Variants in RBFOX1 observed in about 807,000 individuals in gnomAD.
RBFOX1 encodes the protein RNA binding protein fox-1 homolog 1.
In RBFOX1, 8 loss-of-function variants were observed where a neutral mutation model predicts 57.7. The ratio of observed to expected loss-of-function variants is 0.14; its 90% CI spans 0.08 to 0.25. The LOEUF (loss-of-function observed/expected upper bound fraction) is 0.25, where lower values mean the gene tolerates loss of function less well. Among genes scored for constraint, RBFOX1 ranks in the 10% least tolerant of loss-of-function variants. The pLI is 1.00. For synonymous variants in RBFOX1, 326 were observed against 222.4 expected, an observed-to-expected ratio of 1.47 and a Z score of -4.15; for missense variants, 611 against 548.5, an observed-to-expected ratio of 1.11 and a Z score of -1.14.
intron 5 of RBFOX1, among the ~76,000 whole-genome samples, chr16:7,570,589 T>A (rs1328180471): frequency 1.3e-5 from 2 of 152,206 alleles, no homozygotes; most frequent in African/African-American, 4.8e-5. Flanking sequence ...GGACTAGTGA[T>A]GAAACTAGAG....
chr16:5,446,685 C>T (rs2068249378), intron 1 of RBFOX1, among the ~76,000 whole-genome samples: 1 of 151,930 alleles, frequency 6.6e-6, no homozygotes, highest in African/African-American at 2.4e-5. Context: ...TCCAGAAGAC[C>T]CTGTAGGAAG....
At chr16:6,187,486 T>A (rs887288394) in intron 1 of RBFOX1, among the ~76,000 whole-genome samples, 4 of 152,134 alleles carry the variant, frequency 2.6e-5, no homozygotes, top group Admixed American at 6.6e-5. Flanking sequence ...GCTTTTCTAA[T>A]GATGGGGAAT....
chr16:7,237,008 A>G (rs1015862312), intron 4 of RBFOX1, among the ~76,000 whole-genome samples: 1 of 152,230 alleles, frequency 6.6e-6, no homozygotes, highest in Admixed American at 6.5e-5. Flanking sequence ...CCGTTCTTTC[A>G]CTAGAAGGGA....
intron 4 of RBFOX1, among the ~76,000 whole-genome samples, chr16:7,152,429 C>A (rs943958254): frequency 1.1e-4 from 17 of 152,198 alleles, no homozygotes; most frequent in Admixed American, 2.0e-4. Flanking sequence ...AAGAAATTGC[C>A]ATCAATTGTT....
chr16:7,169,823 A>G (rs1366592500), intron 4 of RBFOX1, among the ~76,000 whole-genome samples: 1 of 19,232 alleles, frequency 5.2e-5, no homozygotes, highest in Non-Finnish European at 8.2e-5. Context: ...TAATCCCTGC[A>G]CTTTGGCAGG....
At chr16:7,327,735 A>G (rs766794730) in intron 4 of RBFOX1, among the ~76,000 whole-genome samples, 2 of 152,176 alleles carry the variant, frequency 1.3e-5, no homozygotes, top group Admixed American at 1.3e-4. Flanking sequence ...GTGGCTCAAC[A>G]TGCCTAGATC....
At chr16:7,183,569 C>G (rs551750851) in intron 4 of RBFOX1, among the ~76,000 whole-genome samples, 2 of 152,062 alleles carry the variant, frequency 1.3e-5, no homozygotes, top group South Asian at 4.1e-4. Context: ...CTTAAGTGTG[C>G]TTGCACATGT....
chr16:6,128,581 T>C (rs1021060775), intron 1 of RBFOX1, among the ~76,000 whole-genome samples: 19 of 152,134 alleles, frequency 1.2e-4, no homozygotes, highest in African/African-American at 4.6e-4. Flanking sequence ...GAGCTGAAGA[T>C]TTGAAGAGTA....
intron 4 of RBFOX1, among the ~76,000 whole-genome samples, chr16:5,989,850 A>ACT (rs1555463986): frequency 3.0e-5 from 3 of 100,262 alleles, no homozygotes; most frequent in African/African-American, 1.1e-4. Flanking sequence ...CCTAACACAC[A>ACT]CACACACACA....
intron 14 of RBFOX1, among the ~76,000 whole-genome samples, chr16:7,679,333 A>AT (rs941325271): frequency 1.3e-5 from 2 of 152,240 alleles, no homozygotes; most frequent in African/African-American, 4.8e-5. Flanking sequence ...GTAACCAATT[A>AT]TTTTTATATC....
chr16:6,803,993 G>A (rs1423466665), intron 3 of RBFOX1, among the ~76,000 whole-genome samples: 1 of 151,760 alleles, frequency 6.6e-6, no homozygotes, highest in Non-Finnish European at 1.5e-5. Flanking sequence ...AAACTGTATA[G>A]TACATAAAAC....
chr16:6,712,666 G>A (rs1043550695), intron 3 of RBFOX1, among the ~76,000 whole-genome samples: 1 of 152,008 alleles, frequency 6.6e-6, no homozygotes, highest in African/African-American at 2.4e-5. Flanking sequence ...ACTCTGATAG[G>A]CATGGCAGCC....
At chr16:6,305,789 G>C (rs1284744983) in intron 1 of RBFOX1, among the ~76,000 whole-genome samples, 1 of 151,976 alleles carries the variant, frequency 6.6e-6, no homozygotes, top group East Asian at 1.9e-4. Context: ...ACTAGCAAAT[G>C]CTGGAGCTGC....
At chr16:7,063,616 G>A (rs564110097) in intron 4 of RBFOX1, among the ~76,000 whole-genome samples, 7 of 152,244 alleles carry the variant, frequency 4.6e-5, no homozygotes, top group South Asian at 2.1e-4. Flanking sequence ...TGATGTCTCA[G>A]CCTTATCCTA....
chr16:5,454,840 CCTTTCTTTCTTTCTTTTCTTT>C (rs1371214037), intron 1 of RBFOX1, among the ~76,000 whole-genome samples: 15 of 104,904 alleles, frequency 1.4e-4, no homozygotes, highest in African/African-American at 4.9e-4. Flanking sequence ...TGCTTTCTTT[CCTTTCTTTCTTTCTTTTCTTT>C]CTTTCTTTCT....
chr16:6,346,307 A>G (rs1372995723), intron 2 of RBFOX1, among the ~76,000 whole-genome samples: 1 of 152,226 alleles, frequency 6.6e-6, no homozygotes. Context: ...AAATTTAACT[A>G]TATTTGGCCT....
chr16:7,458,827 G>C (rs1297910207), intron 4 of RBFOX1, among the ~76,000 whole-genome samples: 1 of 151,950 alleles, frequency 6.6e-6, no homozygotes, highest in East Asian at 1.9e-4. Flanking sequence ...GCTGACTTTT[G>C]CCATATTGCT....
intron 3 of RBFOX1, among the ~76,000 whole-genome samples, chr16:6,697,016 A>AG (rs1410861828): frequency 9.9e-5 from 15 of 152,232 alleles, no homozygotes; most frequent in African/African-American, 3.6e-4. Context: ...ACTTCCATAA[A>AG]GAAAAGCTTA....
intron 4 of RBFOX1, among the ~76,000 whole-genome samples, chr16:7,216,510 T>C (rs62015808): frequency 0.31 from 46,988 of 151,972 alleles, 8,235 homozygotes; most frequent in East Asian, 0.66. Flanking sequence ...AAATAGCGTC[T>C]ACTTCATGGG....
Sources: gnomAD v4.1 joint callset for allele counts (sites outside exome capture counted in the v4.1 genomes callset) on GRCh38, gnomAD v4.1.1 for gene constraint, MANE v1.5 for transcripts, NCBI Gene and HGNC (gene_info 2026-07-23, HGNC 2026-07-21) for gene names.